PCDHGA10: variants seen among roughly 807,000 people sequenced by gnomAD.
PCDHGA10 encodes the protein protocadherin gamma subfamily A, 10.
Under a neutral mutation model 59.5 loss-of-function variants are expected in PCDHGA10, and 42 were observed. That is an observed-to-expected ratio of 0.71 (90% confidence interval 0.55 to 0.91). The LOEUF is 0.91. Among genes scored for constraint, PCDHGA10 ranks in the 40% least tolerant of loss-of-function variants. PCDHGA10 has a pLI of 0.00. For missense variants in PCDHGA10, 1,111 were observed against 1,198.2 expected (o/e 0.93, Z 1.07); for synonymous variants, 511 against 517.2 (o/e 0.99, Z 0.16).
chr5:141,423,095 A>ACG (rs2096709208), intron 1 of PCDHGA10: 4 of 1,613,860 alleles, frequency 2.5e-6, no homozygotes, highest in African/African-American at 2.7e-5. Flanking sequence ...GTGGGGGAGC[A>ACG]CACGGGCGAG....
intron 1 of PCDHGA10, among the ~76,000 whole-genome samples, chr5:141,436,122 C>T (rs909678739): frequency 4.6e-5 from 7 of 152,128 alleles, no homozygotes; most frequent in African/African-American, 7.2e-5. Flanking sequence ...AACCTCTCTC[C>T]TCCATCATCT....
chr5:141,511,400 T>A lies in PCDHGA10; in HGVS notation c.*227T>A, dbSNP rs1208021848. On this transcript the variant is annotated 3_prime_UTR_variant, in exon 4 of 4. Coordinates refer to ENST00000398610, the MANE Select transcript of PCDHGA10 (RefSeq NM_018913.3). ...AGTTCCGCTGGGAACCCCCATCCAA[T>A]CAACTGCTGTACCCATGGGGGTAGT... 1.1e-5 allele frequency: 11 copies of A among 982,132 alleles called. No individual in the cohort carries two copies. Among genetic ancestry groups the A allele is most frequent in the African/African-American group, 3.3e-5 (2 of 60,924 alleles). 60.8% of individuals were successfully genotyped at this position (982,132 alleles called of 1,614,324 possible).
At chr5:141,453,014 G>A (rs2098753820) in intron 1 of PCDHGA10, among the ~76,000 whole-genome samples, 1 of 152,206 alleles carries the variant, frequency 6.6e-6, no homozygotes, top group Non-Finnish European at 1.5e-5. Flanking sequence ...GTATAGTTAT[G>A]TGATTCATTA....
intron 1 of PCDHGA10, chr5:141,423,091 G>A (rs1243671863): frequency 6.2e-7 from 1 of 1,613,908 alleles, no homozygotes; most frequent in Non-Finnish European, 8.5e-7. Flanking sequence ...CGCGGTGGGG[G>A]AGCACACGGG....
At position 141,414,409 on chromosome 5, in the gene PCDHGA10, A is replaced by G; in HGVS notation, c.1234A>G (p.Arg412Gly). Residue 412 changes from arginine to glycine, a missense_variant, in exon 1 of 4, where the codon AGA (arginine) becomes GGA (glycine). Transcript: ENST00000398610. ...CAGTTATTACAGATTGGTGATACACAGAGCCCTTGACAGGGAACAGGTATC... is the reference window on the plus strand; with the variant it reads ...CAGTTATTACAGATTGGTGATACACGGAGCCCTTGACAGGGAACAGGTATC... ...IDSYYRLVIH[R>G]ALDREQVSSY... 2 of 1,613,870 alleles carry G rather than the reference A, an allele frequency of 1.2e-6. No individual in the cohort carries two copies. The highest frequency in any genetic ancestry group is 8.5e-7 in the Non-Finnish European group (1 of 1,179,840).
At chr5:141,457,393 T>G (rs1299068071) in intron 1 of PCDHGA10, among the ~76,000 whole-genome samples, 1 of 152,228 alleles carries the variant, frequency 6.6e-6, no homozygotes, top group African/African-American at 2.4e-5. Flanking sequence ...AGCATATTGA[T>G]TCACATTTTC....
chr5:141,423,106 G>T lies in PCDHGA10; in HGVS notation c.2436+7495G>T, dbSNP rs562864937. On this transcript the variant is annotated intron_variant, in intron 1 of 3. Coordinates refer to ENST00000398610, the MANE Select transcript of PCDHGA10 (RefSeq NM_018913.3). ...CGCGGTGGGGGAGCACACGGGCGAGGTGCGTACAGCGCGGGCACTGCTGGA... is the reference window on the plus strand; with the variant it reads ...CGCGGTGGGGGAGCACACGGGCGAGTTGCGTACAGCGCGGGCACTGCTGGA... The T allele has an allele frequency of 1.2e-5, 19 of 1,613,894 alleles. No individual in the cohort carries two copies. The African/African-American group carries it at 2.1e-4, about 18-fold the overall frequency.
At chr5:141,438,763 G>C (rs537316602) in intron 1 of PCDHGA10, among the ~76,000 whole-genome samples, 1 of 149,962 alleles carries the variant, frequency 6.7e-6, no homozygotes, top group South Asian at 2.1e-4. Context: ...CTGGGTTCAA[G>C]CGATTCTCCT....
intron 1 of PCDHGA10, among the ~76,000 whole-genome samples, chr5:141,483,618 C>T (rs1441906179): frequency 6.6e-6 from 1 of 151,536 alleles, no homozygotes; most frequent in Non-Finnish European, 1.5e-5. Flanking sequence ...TCCATCATTC[C>T]CATGGGAGAA....
Position 141,486,255 on chromosome 5 carries a change from A to G in PCDHGA10, c.2437-8552A>G. 1 of 1,614,028 alleles carries G rather than the reference A, an allele frequency of 6.2e-7. No homozygotes were observed. Reference sequence around the variant, plus strand: ...ACCTCAGAGCTTGGAACCCTCCCCGAGAGTGCAGAACCTGGCACTGTGGTG... The same window carrying G: ...ACCTCAGAGCTTGGAACCCTCCCCGGGAGTGCAGAACCTGGCACTGTGGTG... On this transcript the variant is annotated intron_variant, in intron 1 of 3. Coordinates refer to ENST00000398610, the MANE Select transcript of PCDHGA10 (RefSeq NM_018913.3). This position sits in a 1 kb window ranked among gnomAD's most constrained non-coding sequence, Gnocchi z 5.0.
chr5:141,428,288 A>G (rs1413902705), intron 1 of PCDHGA10: 1 of 728,846 alleles, frequency 1.4e-6, no homozygotes, highest in Middle Eastern at 2.3e-4. Flanking sequence ...TCCCAAGCAA[A>G]GCTGCAGATT....
intron 1 of PCDHGA10, chr5:141,442,378 GGT>G (rs2098320015): frequency 6.6e-6 from 1 of 152,334 alleles, no homozygotes; most frequent in Middle Eastern, 3.4e-3. Context: ...ATTCCTACCA[GGT>G]GTGTGCTTCT....
At chr5:141,465,186 G>T (rs2099098546) in intron 1 of PCDHGA10, among the ~76,000 whole-genome samples, 1 of 151,852 alleles carries the variant, frequency 6.6e-6, no homozygotes, top group African/African-American at 2.4e-5. Flanking sequence ...TTAATTAAAA[G>T]ATAAAAATAA....
chr5:141,442,981 C>T (rs2098357132), intron 1 of PCDHGA10, among the ~76,000 whole-genome samples: 1 of 152,142 alleles, frequency 6.6e-6, no homozygotes, highest in African/African-American at 2.4e-5. Flanking sequence ...ATAAAGTTAG[C>T]CTATAATTTC....
In PCDHGA10 at chr5:141,422,662, G is replaced by A. The variant is rs771844166; in HGVS notation, c.2436+7051G>A. On this transcript the variant is annotated intron_variant, in intron 1 of 3. Transcript: ENST00000398610. Reference sequence around the variant, plus strand: ...CTCCATCTTCTCAGTGACCGCCCTCGACCCGGACAGCAAACAGAATGCCCT... The same window carrying A: ...CTCCATCTTCTCAGTGACCGCCCTCAACCCGGACAGCAAACAGAATGCCCT... 4 of 1,608,410 alleles carry A rather than the reference G, an allele frequency of 2.5e-6. No individual in the cohort carries two copies. In the South Asian group the frequency reaches 3.3e-5, roughly 13 times the overall value.
intron 1 of PCDHGA10, among the ~76,000 whole-genome samples, chr5:141,473,383 C>A (rs976400317): frequency 3.3e-5 from 5 of 152,200 alleles, no homozygotes; most frequent in African/African-American, 9.6e-5. Context: ...GGTCCCTGCC[C>A]TCCTGGAGCT....
At chr5:141,421,972 C>T (rs764728654) in intron 1 of PCDHGA10, 2 of 1,609,892 alleles carry the variant, frequency 1.2e-6, no homozygotes, top group African/African-American at 2.7e-5. Context: ...GTCCGTATAT[C>T]GCGTGAGTGT....
Position 141,477,779 on chromosome 5 carries a change from A to G in PCDHGA10, c.2437-17028A>G, listed in dbSNP as rs781567883. ...CCTAGCCACCAACATCAGCGTGAAC[A>G]TATTTGTCACTGATCGCAATGACAA... On this transcript the variant is annotated intron_variant, in intron 1 of 3. Coordinates refer to ENST00000398610, the MANE Select transcript of PCDHGA10 (RefSeq NM_018913.3). This position sits in a 1 kb window ranked among gnomAD's most constrained non-coding sequence, Gnocchi z 4.9. 5.6e-6 allele frequency: 9 copies of G among 1,613,894 alleles called. No homozygotes were observed. Among genetic ancestry groups the G allele is most frequent in the South Asian group, 5.5e-5 (5 of 91,084 alleles).
chr5:141,428,052 G>A (rs750852525), intron 1 of PCDHGA10: 6 of 1,608,992 alleles, frequency 3.7e-6, no homozygotes, highest in East Asian at 4.5e-5. Context: ...GACCAAGGTG[G>A]TGGCGGTGGA....
Sources: allele counts gnomAD v4.1 joint callset (sites outside exome capture counted in the v4.1 genomes callset), GRCh38; gene constraint gnomAD v4.1.1; non-coding constraint Gnocchi (gnomAD v3.1); transcripts MANE v1.5; gene names NCBI Gene and HGNC (gene_info 2026-07-23, HGNC 2026-07-21).